Variants in PRMT3 observed in about 807,000 individuals in gnomAD.
PRMT3 encodes the protein protein arginine methyltransferase 3.
PRMT3 carries 62 observed loss-of-function variants against 71.9 expected under a neutral mutation model. That is an observed-to-expected ratio of 0.86 (90% CI 0.70 to 1.07). PRMT3 has a LOEUF of 1.07. Among genes scored for constraint, PRMT3 ranks in the 50% least tolerant of loss-of-function variants. PRMT3 has a pLI of 0.00. For synonymous variants in PRMT3, 213 were observed against 220.4 expected (o/e 0.97, Z 0.30); for missense variants, 663 against 643.0 (o/e 1.03, Z -0.34).
intron 13 of PRMT3, among the ~76,000 whole-genome samples, chr11:20,484,971 A>T (rs1398307381): frequency 6.6e-6 from 1 of 152,354 alleles, no homozygotes; most frequent in Non-Finnish European, 1.5e-5. Context: ...GCATTTACCA[A>T]TTCAGAGGAA....
At chr11:20,455,644 AT>A (rs1302084248) in intron 11 of PRMT3, among the ~76,000 whole-genome samples, 1 of 152,156 alleles carries the variant, frequency 6.6e-6, no homozygotes, top group African/African-American at 2.4e-5. Flanking sequence ...TTTCTGAAAA[AT>A]AGAAGGGTGC....
chr11:20,467,952 C>G (rs1231305613), intron 13 of PRMT3, among the ~76,000 whole-genome samples: 1 of 152,208 alleles, frequency 6.6e-6, no homozygotes, highest in East Asian at 1.9e-4. Flanking sequence ...ACAGACCTAT[C>G]CATCTGGAGC....
intron 13 of PRMT3, among the ~76,000 whole-genome samples, chr11:20,481,262 T>A (rs369346094): frequency 6.8e-6 from 1 of 147,256 alleles, no homozygotes; most frequent in Non-Finnish European, 1.5e-5. Context: ...AGCATTCAGG[T>A]AAAAAAAAAA....
chr11:20,422,978 G>C, intron 9 of PRMT3, among the ~76,000 whole-genome samples: 1 of 152,178 alleles, frequency 6.6e-6, no homozygotes, highest in East Asian at 1.9e-4. Flanking sequence ...CAGAGATTGT[G>C]TAGCTTATGT....
At chr11:20,392,562 C>G (rs1007953681) in intron 4 of PRMT3, among the ~76,000 whole-genome samples, 1 of 150,382 alleles carries the variant, frequency 6.6e-6, no homozygotes, top group Non-Finnish European at 1.5e-5. Context: ...GAAATAATTT[C>G]TAATGTGATT....
chr11:20,446,033 G>A (rs1780162013), intron 10 of PRMT3, among the ~76,000 whole-genome samples: 2 of 152,092 alleles, frequency 1.3e-5, no homozygotes, highest in Non-Finnish European at 2.9e-5. Flanking sequence ...AAATAATAGT[G>A]CTGTAGTGTG....
chr11:20,399,255 T>C (rs1848897367), intron 7 of PRMT3, among the ~76,000 whole-genome samples: 1 of 152,196 alleles, frequency 6.6e-6, no homozygotes, highest in Non-Finnish European at 1.5e-5. Flanking sequence ...TAACCAGGGA[T>C]ATTTGATAAC....
chr11:20,457,426 T>C (rs894298103), intron 11 of PRMT3, among the ~76,000 whole-genome samples: 2 of 152,228 alleles, frequency 1.3e-5, no homozygotes, highest in African/African-American at 2.4e-5. Flanking sequence ...TGACTAGTTA[T>C]CTGGTTAGCT....
intron 5 of PRMT3, 56 bp from the exon 6 acceptor site, chr11:20,395,746 TA>T: frequency 6.6e-7 from 1 of 1,518,190 alleles, no homozygotes; most frequent in Non-Finnish European, 9.0e-7. Context: ...CTAACATATT[TA>T]TACTTGTTTT....
chr11:20,459,564 G>A (rs1420891650), intron 11 of PRMT3, among the ~76,000 whole-genome samples: 1 of 152,100 alleles, frequency 6.6e-6, no homozygotes, highest in African/African-American at 2.4e-5. Flanking sequence ...AGTCAGTTTT[G>A]TCCACAAAAC....
rs77253646 is a variant in PRMT3, at chr11:20,498,551, A to G, written c.1486+4297A>G. Among the ~76,000 whole-genome samples, 676 of 152,272 alleles carry G rather than the reference A, an allele frequency of 4.4e-3. 6 individuals are homozygous for G. The highest frequency in any genetic ancestry group is 0.016 in the African/African-American group (646 of 41,560). On this transcript the variant is annotated intron_variant, in intron 15 of 15. Transcript: ENST00000331079. ...CGAGACAGGCCTGGGCAACATGGCGAAATCCCATCTCTACTCAAAATACAA... is the reference window on the plus strand; with the variant it reads ...CGAGACAGGCCTGGGCAACATGGCGGAATCCCATCTCTACTCAAAATACAA...
intron 13 of PRMT3, among the ~76,000 whole-genome samples, chr11:20,476,451 T>C (rs560136991): frequency 6.6e-6 from 1 of 152,304 alleles, no homozygotes; most frequent in South Asian, 2.1e-4. Context: ...TTAATATGAA[T>C]GTAAAGTTTT....
chr11:20,442,462 ATTTTCT>A (rs1849930406), intron 10 of PRMT3, among the ~76,000 whole-genome samples: 1 of 151,854 alleles, frequency 6.6e-6, no homozygotes, highest in Non-Finnish European at 1.5e-5. Flanking sequence ...ATAGATGACC[ATTTTCT>A]TTTTATTTTT....
Position 20,461,961 on chromosome 11 carries a change from G to T in PRMT3, c.1073-19G>T. 6.7e-7 allele frequency: 1 copy of T among 1,491,796 alleles called. No homozygotes were observed. The highest frequency in any genetic ancestry group is 9.0e-7 in the Non-Finnish European group (1 of 1,109,172). The allele number at this position is 1,491,796 out of a possible 1,614,324, so 92.4% of individuals were successfully genotyped here. A position where few individuals can be genotyped will look rare whatever the true frequency, so the allele number is the denominator to read the frequency against. Reference sequence around the variant, plus strand: ...AAAGGGAGATAATGCTTAATTGTTGGGCATTTTGTTTGTTACAGTCTACCC... The same window carrying T: ...AAAGGGAGATAATGCTTAATTGTTGTGCATTTTGTTTGTTACAGTCTACCC... On this transcript the variant is annotated intron_variant, in intron 11 of 15. Transcript: ENST00000331079.
At chr11:20,464,402 T>TG in intron 12 of PRMT3, 58 bp from the exon 13 acceptor site, 1 of 763,746 alleles carries the variant, frequency 1.3e-6, no homozygotes, top group South Asian at 2.7e-5. Flanking sequence ...TTATTTTTTG[T>TG]TTTTTTTTTT....
In PRMT3 at chr11:20,434,414, A is replaced by C. The variant is rs930347549; in HGVS notation, c.993+7549A>C. 2.6e-5 allele frequency among the ~76,000 whole-genome samples: 4 copies of C among 152,042 alleles called. No individual in the cohort carries two copies. In the South Asian group the frequency reaches 6.2e-4, roughly 24 times the overall value. On this transcript the variant is annotated intron_variant, in intron 10 of 15. Transcript: ENST00000331079. ...ATTTGTCAGTTTTTGCTTTTGTTGCAATTGCTTTTGGCATCTTTGTCATGA... is the reference window on the plus strand; with the variant it reads ...ATTTGTCAGTTTTTGCTTTTGTTGCCATTGCTTTTGGCATCTTTGTCATGA...
intron 8 of PRMT3, chr11:20,406,549 C>T (rs1849075217): frequency 6.6e-6 from 1 of 152,112 alleles, no homozygotes; most frequent in Non-Finnish European, 1.5e-5. Flanking sequence ...ATTCATCTGT[C>T]TATGGATATT....
intron 11 of PRMT3, among the ~76,000 whole-genome samples, chr11:20,453,958 T>A (rs1378563050): frequency 6.6e-6 from 1 of 152,166 alleles, no homozygotes; most frequent in African/African-American, 2.4e-5. Flanking sequence ...CATTTCAGAT[T>A]TTCAGATTAG....
chr11:20,465,844 G>A (rs1850499138), intron 13 of PRMT3, among the ~76,000 whole-genome samples: 1 of 151,874 alleles, frequency 6.6e-6, no homozygotes, highest in African/African-American at 2.4e-5. Flanking sequence ...TTTGTCAATT[G>A]AAATTAGGCT....
Sources: allele counts gnomAD v4.1 joint callset (sites outside exome capture counted in the v4.1 genomes callset), GRCh38; gene constraint gnomAD v4.1.1; transcripts MANE v1.5; gene names NCBI Gene and HGNC (gene_info 2026-07-23, HGNC 2026-07-21).